MYO3A: variants seen among roughly 807,000 people sequenced by gnomAD.
MYO3A encodes myosin-IIIa.
In MYO3A, 180 loss-of-function variants were observed where a neutral mutation model predicts 192.7. The ratio of observed to expected loss-of-function variants is 0.93; its 90% CI spans 0.83 to 1.06. The LOEUF (loss-of-function observed/expected upper bound fraction) is 1.06. Ranked by LOEUF, MYO3A falls within the 50% of genes least tolerant of loss-of-function variation. The pLI is 0.00. For missense variants in MYO3A, 1,896 were observed against 1,905.0 expected, an observed-to-expected ratio of 1.00 and a Z score of 0.09; for synonymous variants, 628 against 645.3, an observed-to-expected ratio of 0.97 and a Z score of 0.41.
intron 17 of MYO3A, among the ~76,000 whole-genome samples, chr10:26,097,371 T>G (rs1398920519): frequency 6.6e-6 from 1 of 152,164 alleles, no homozygotes; most frequent in Non-Finnish European, 1.5e-5. Flanking sequence ...TTTTTTAAAG[T>G]AAGTTCTTTA....
chr10:25,982,463 G>A (rs1383950141), intron 4 of MYO3A, among the ~76,000 whole-genome samples: 1 of 152,098 alleles, frequency 6.6e-6, no homozygotes, highest in African/African-American at 2.4e-5. Context: ...GCTATTGAAA[G>A]CACCACCTCC....
intron 2 of MYO3A, among the ~76,000 whole-genome samples, chr10:25,941,413 C>A (rs999058461): frequency 3.9e-5 from 6 of 152,194 alleles, no homozygotes; most frequent in African/African-American, 1.4e-4. Context: ...AGGAAGCCAG[C>A]TGGACAAGGA....
chr10:26,115,852 A>G (rs914814748), intron 17 of MYO3A, among the ~76,000 whole-genome samples: 1 of 152,220 alleles, frequency 6.6e-6, no homozygotes, highest in Admixed American at 6.5e-5. Context: ...TTATTAATGT[A>G]GTAAATCAAG....
chr10:26,116,312 C>T (rs573548713), intron 17 of MYO3A, among the ~76,000 whole-genome samples: 26 of 152,282 alleles, frequency 1.7e-4, no homozygotes, highest in African/African-American at 5.5e-4. Context: ...TATTCTTGTA[C>T]GGCAGGTCCA....
chr10:26,049,661 CTTTCTTTCTTTCTTTT>C (rs1301032774), intron 10 of MYO3A, among the ~76,000 whole-genome samples: 9,915 of 101,900 alleles, frequency 0.097, 222 homozygotes, highest in Non-Finnish European at 0.12. Context: ...TTCTTTCTTT[CTTTCTTTCTTTCTTTT>C]TTTTTTTTTT....
At chr10:26,062,530 A>G (rs1400691284) in intron 10 of MYO3A, among the ~76,000 whole-genome samples, 5 of 125,946 alleles carry the variant, frequency 4.0e-5, no homozygotes, top group Admixed American at 2.5e-4. Flanking sequence ...AAAAAAAAAA[A>G]AAATTATGGA....
rs138967884 is a variant in MYO3A, at chr10:26,080,364, T to C, written c.1360-7839T>C. Among the ~76,000 whole-genome samples, 1,192 of 152,106 alleles carry C rather than the reference T, an allele frequency of 7.8e-3. 6 individuals carry two copies. Among genetic ancestry groups the C allele is most frequent in the Non-Finnish European group, 0.011 (740 of 67,980 alleles). On this transcript the variant is annotated intron_variant, in intron 14 of 34. Coordinates refer to ENST00000642920, the MANE Select transcript of MYO3A (RefSeq NM_017433.5). ...CACATCTCTAAAAGTGTATCCAAAG[T>C]TTCCTGAATTTTTTATTGCTTTTTC...
intron 26 of MYO3A, among the ~76,000 whole-genome samples, chr10:26,162,380 ATAAAGGCT>A (rs2131969207): frequency 6.6e-6 from 1 of 152,328 alleles, no homozygotes; most frequent in South Asian, 2.1e-4. Flanking sequence ...TAACCTTTTG[ATAAAGGCT>A]TAATTTTTTT....
chr10:26,175,379 A>G (rs1842274457), intron 30 of MYO3A, among the ~76,000 whole-genome samples: 1 of 152,228 alleles, frequency 6.6e-6, no homozygotes, highest in Non-Finnish European at 1.5e-5. Flanking sequence ...TATTTTCTCC[A>G]GTGTGAAATG....
At chr10:26,096,189 T>C (rs1157860420) in intron 15 of MYO3A, among the ~76,000 whole-genome samples, 192 bp from the exon 16 acceptor site, 2 of 152,158 alleles carry the variant, frequency 1.3e-5, no homozygotes, top group Non-Finnish European at 2.9e-5. Flanking sequence ...GTGATTAAGA[T>C]AATTTCTGGA....
intron 17 of MYO3A, among the ~76,000 whole-genome samples, chr10:26,106,340 C>T (rs1045812077): frequency 6.6e-6 from 1 of 151,976 alleles, no homozygotes; most frequent in Non-Finnish European, 1.5e-5. Context: ...TTATATTCAT[C>T]TGGAACTTGC....
intron 6 of MYO3A, among the ~76,000 whole-genome samples, chr10:26,015,926 C>T (rs1293749675): frequency 3.3e-5 from 5 of 152,066 alleles, no homozygotes; most frequent in Admixed American, 3.3e-4. Flanking sequence ...AGATAAGCAA[C>T]CAAAGCCTAA....
Position 26,153,858 on chromosome 10 carries a change from C to T in MYO3A, c.2644C>T (p.Pro882Ser). 5 of 1,565,288 alleles carry T rather than the reference C, an allele frequency of 3.2e-6. No individual in the cohort carries two copies. Among genetic ancestry groups the T allele is most frequent in the Non-Finnish European group, 4.4e-6 (5 of 1,136,088 alleles). Residue 882 changes from proline to serine, a missense_variant, in exon 24 of 35, where the codon CCA becomes TCA. Transcript: ENST00000642920. ...NHPLTKTGNL[P>S]HSKTKNVINY... ...TTTCTACATTCTCATAGGTAATCTG[C>T]CACATTCTAAAACTAAAAATGTTAT...
intron 10 of MYO3A, among the ~76,000 whole-genome samples, chr10:26,034,529 G>A (rs1238467575): frequency 2.0e-5 from 3 of 152,130 alleles, no homozygotes; most frequent in Admixed American, 6.5e-5. Context: ...GGAGAGCACC[G>A]TTCTGAAAAC....
At chr10:26,051,354 T>A (rs1006959925) in intron 10 of MYO3A, among the ~76,000 whole-genome samples, 8 of 151,922 alleles carry the variant, frequency 5.3e-5, no homozygotes, top group African/African-American at 1.9e-4. Flanking sequence ...GAAAAGACAA[T>A]GCTTTAAAAA....
chr10:26,193,581 T>A (rs544525735), intron 32 of MYO3A, among the ~76,000 whole-genome samples: 16 of 152,106 alleles, frequency 1.1e-4, no homozygotes, highest in Non-Finnish European at 2.2e-4. Context: ...TGAGCTGATA[T>A]GAAAATATCA....
intron 10 of MYO3A, among the ~76,000 whole-genome samples, chr10:26,041,905 T>C (rs756075739): frequency 1.2e-4 from 18 of 152,120 alleles, no homozygotes; most frequent in Admixed American, 1.3e-4. Flanking sequence ...TACTTACTAT[T>C]ACTAGCAAAT....
intron 21 of MYO3A, among the ~76,000 whole-genome samples, 198 bp downstream of exon 21, chr10:26,143,799 A>G (rs1840303595): frequency 6.6e-6 from 1 of 152,208 alleles, no homozygotes; most frequent in Admixed American, 6.5e-5. Flanking sequence ...TTAGTGATAA[A>G]TTAAGCAAGT....
intron 10 of MYO3A, among the ~76,000 whole-genome samples, chr10:26,040,501 C>T (rs1843282818): frequency 6.6e-6 from 1 of 152,112 alleles, no homozygotes; most frequent in African/African-American, 2.4e-5. Context: ...GAAAGTACCA[C>T]TACCAAAACC....
Sources: gnomAD v4.1 joint callset for allele counts (sites outside exome capture counted in the v4.1 genomes callset) on GRCh38, gnomAD v4.1.1 for gene constraint, MANE v1.5 for transcripts, NCBI Gene and HGNC (gene_info 2026-07-23, HGNC 2026-07-21) for gene names.